Variants in CEP295NL observed in about 807,000 individuals in gnomAD.
CEP295NL encodes protein DDC8 homolog.
A neutral mutation model predicts 4.6 loss-of-function variants in CEP295NL; 3 were observed. The observed-to-expected ratio is 0.65, with a 90% CI of 0.30 to 1.69. The LOEUF is 1.69. CEP295NL is among the 40% of genes most tolerant of loss of function. The pLI is 0.10. For synonymous variants in CEP295NL, 295 were observed against 312.2 expected (o/e 0.94, Z 0.58); for missense variants, 719 against 769.0 (o/e 0.93, Z 0.77).
Position 78,892,397 on chromosome 17 carries a change from G to A in CEP295NL, c.107C>T (p.Ser36Phe), listed in dbSNP as rs1245989696. Reference sequence around the variant, plus strand: ...GGGAAGGTGCTTGGAGCCAAGAGTGGAGGGTTCAAGGGGCGCCCCCGGGCC... The same window carrying A: ...GGGAAGGTGCTTGGAGCCAAGAGTGAAGGGTTCAAGGGGCGCCCCCGGGCC... Reference protein sequence around the residue: ...SSGPGAPLEPSTLGSKHLPWE... With the variant: ...SSGPGAPLEPFTLGSKHLPWE... Residue 36 changes from serine to phenylalanine, a missense_variant, in exon 3 of 3, where the codon TCC (serine) becomes TTC (phenylalanine). Ser to Phe is a radical substitution (Grantham distance 155, BLOSUM62 -2). Coordinates refer to ENST00000322630, the MANE Select transcript of CEP295NL (RefSeq NM_001243540.2). 9 of 1,550,462 alleles carry A rather than the reference G, an allele frequency of 5.8e-6. No homozygotes were observed. In the East Asian group the frequency reaches 7.3e-5, roughly 13 times the overall value.
At position 78,902,133 on chromosome 17, in the gene CEP295NL, G is replaced by A. The variant is rs552160989; in HGVS notation, c.-98-207C>T. Among the ~76,000 whole-genome samples the A allele has an allele frequency of 3.9e-5, 6 of 152,324 alleles. No homozygotes were observed. In the East Asian group the frequency reaches 9.6e-4, roughly 24 times the overall value. ...TCCCAAGCCACTGCACTGGGTTTTG[G>A]TTTCACTATGTTGCCCAGGCTGGAG... is the stretch of plus-strand genomic sequence containing the variant. On this transcript the variant is annotated intron_variant, in intron 1 of 2. Transcript: ENST00000322630.
rs371442476 is a variant in CEP295NL at position 78,896,841 on chromosome 17, C to T, written c.45-4382G>A. The T allele has an allele frequency of 1.9e-5, 16 of 820,986 alleles. No individual in the cohort carries two copies. In the South Asian group the frequency reaches 7.7e-4, roughly 40 times the overall value. The allele number at this position is 820,986 out of a possible 1,614,324, so 50.9% of individuals were successfully genotyped here. ...GCTCTCTACAGCCCCGTGGCCCCAG[C>T]GCAGGAGCCAGCCCATGGCAGCTCC... is the stretch of plus-strand genomic sequence containing the variant. On this transcript the variant is annotated intron_variant, in intron 2 of 2. Coordinates refer to ENST00000322630, the MANE Select transcript of CEP295NL (RefSeq NM_001243540.2). This position sits in a 1 kb window ranked among gnomAD's most constrained non-coding sequence, Gnocchi z 4.4.
At chr17:78,895,409 A>G (rs183394341) in intron 2 of CEP295NL, among the ~76,000 whole-genome samples, 39 of 152,368 alleles carry the variant, frequency 2.6e-4, no homozygotes, top group African/African-American at 7.7e-4. Flanking sequence ...AGAAATGCAC[A>G]CTGACCCTGC....
chr17:78,891,847 C>T lies in CEP295NL; in HGVS notation c.657G>A (p.Pro219=), dbSNP rs769548889. 1.3e-5 allele frequency: 20 copies of T among 1,550,574 alleles called. 1 individual carries two copies. The highest frequency in any genetic ancestry group is 5.5e-5 in the African/African-American group (4 of 73,036). The change falls in exon 3 of 3, where the codon CCG becomes CCA. Residue 219 remains proline, a synonymous_variant. Transcript: ENST00000322630. The surrounding 1 kb of genome is among the most constrained non-coding windows in gnomAD (Gnocchi z 4.5). ...ATGRMNSHLA[P]PEKRKGRPEP... ...CTGGCCTTCCCTTTCTCTTCTCAGG[C>T]GGGGCCAGGTGAGAATTCATCCGAC...
In CEP295NL at chr17:78,901,867, T is replaced by C. The variant is rs2070098849; in HGVS notation, c.-39A>G. The C allele has an allele frequency of 1.4e-6, 1 of 699,064 alleles. No homozygotes were observed. The highest frequency in any genetic ancestry group is 1.8e-5 in the African/African-American group (1 of 56,756). 43.3% of individuals were successfully genotyped at this position (699,064 alleles called of 1,614,324 possible). ...AAGCTGACAGGAGGGCAGGAAGCAC[T>C]GTCTCCAGGGCTGTCTTGAAATCAC... is the stretch of plus-strand genomic sequence containing the variant. On this transcript the variant is annotated 5_prime_UTR_variant, in exon 2 of 3. Transcript: ENST00000322630.
In CEP295NL at chr17:78,896,696, C is replaced by A. The variant is rs567204702; in HGVS notation, c.45-4237G>T. On this transcript the variant is annotated intron_variant, in intron 2 of 2. Coordinates refer to ENST00000322630, the MANE Select transcript of CEP295NL (RefSeq NM_001243540.2). The surrounding 1 kb of genome is among the most constrained non-coding windows in gnomAD (Gnocchi z 4.4). Reference sequence around the variant, plus strand: ...CCACTCAGAGAAACCACAGCTCCCCCCTCCGCAGAAGCCGCGCTCGGAGCA... The same window carrying A: ...CCACTCAGAGAAACCACAGCTCCCCACTCCGCAGAAGCCGCGCTCGGAGCA... 1.4e-4 allele frequency among the ~76,000 whole-genome samples: 22 copies of A among 152,280 alleles called. No individual in the cohort carries two copies. The highest frequency in any genetic ancestry group is 2.9e-5 in the Non-Finnish European group (2 of 68,010).
rs2069892203 is a variant in CEP295NL, at chr17:78,891,434, T to G, written c.1070A>C (p.Lys357Thr). ...CAGTGCCAGGTACAAGCACAGGTGT[T>G]TTTTCAGCTTTCTGTTTATATTAAA... ...ELFNINRKLKKHLCLYLALKP... is the reference protein window; with the variant it reads ...ELFNINRKLKTHLCLYLALKP... The change falls in exon 3 of 3, where the codon AAA becomes ACA. Residue 357 changes from lysine (K) to threonine (T), a missense_variant. Coordinates refer to ENST00000322630, the MANE Select transcript of CEP295NL (RefSeq NM_001243540.2). This position sits in a 1 kb window ranked among gnomAD's most constrained non-coding sequence, Gnocchi z 4.5. 4 of 1,550,796 alleles carry G rather than the reference T, an allele frequency of 2.6e-6. No homozygotes were observed.
At chr17:78,894,487 T>A (rs1381845265) in intron 2 of CEP295NL, among the ~76,000 whole-genome samples, 1 of 152,132 alleles carries the variant, frequency 6.6e-6, no homozygotes, top group Non-Finnish European at 1.5e-5. Flanking sequence ...GAGAGAAAGC[T>A]GGGCCCTTCA....
rs1327438605 is a variant in CEP295NL, at chr17:78,903,199, C to T, written c.-164G>A. 6.6e-6 allele frequency: 1 copy of T among 152,378 alleles called. No individual in the cohort carries two copies. The highest frequency in any genetic ancestry group is 1.5e-5 in the Non-Finnish European group (1 of 68,144). 9.4% of individuals were successfully genotyped at this position (152,378 alleles called of 1,614,324 possible). On this transcript the variant is annotated 5_prime_UTR_variant, in exon 1 of 3. The change abolishes an upstream ATG in the 5' untranslated region. Coordinates refer to ENST00000322630, the MANE Select transcript of CEP295NL (RefSeq NM_001243540.2). The stretch of plus-strand genomic sequence containing the variant: ...CCGGCCTCTGCCCTGGCTGGCTACT[C>T]ATAGCAGGCTGTTGCCATGGGAACA...
intron 2 of CEP295NL, among the ~76,000 whole-genome samples, chr17:78,895,151 C>T (rs547678913): frequency 1.3e-5 from 2 of 152,086 alleles, no homozygotes; most frequent in Admixed American, 6.6e-5. Flanking sequence ...TGTGGTGGTA[C>T]GCACCTATAA....
At chr17:78,892,842 T>A (rs1352764369) in intron 2 of CEP295NL, among the ~76,000 whole-genome samples, 2 of 152,114 alleles carry the variant, frequency 1.3e-5, no homozygotes, top group Admixed American at 6.5e-5. Context: ...GTGAATAACC[T>A]GGCCAGAGAT....
Position 78,890,883 on chromosome 17 carries a change from C to G in CEP295NL, c.1621G>C (p.Glu541Gln). The G allele has an allele frequency of 2.6e-6, 4 of 1,550,674 alleles. No individual in the cohort carries two copies. The highest frequency in any genetic ancestry group is 3.5e-6 in the Non-Finnish European group (4 of 1,147,022). Residue 541 changes from glutamate to glutamine, a missense_variant, in exon 3 of 3, where the codon GAG becomes CAG. Transcript: ENST00000322630. ...CGAGCTCTTCTTTGCTCCCTCCTCT[C>G]TTTTTCTAGCTCAGCTTTGTAGTGG... is the stretch of plus-strand genomic sequence containing the variant. Reference protein sequence around the residue: ...EIHYKAELEKERREQRRARLA... With the variant: ...EIHYKAELEKQRREQRRARLA...
chr17:78,891,650 GC>G lies in CEP295NL; in HGVS notation c.853del (p.Ala285GlnfsTer8). The G allele has an allele frequency of 6.4e-7, 1 of 1,550,928 alleles. No homozygotes were observed. Among genetic ancestry groups the G allele is most frequent in the Non-Finnish European group, 8.7e-7 (1 of 1,147,092 alleles). ...GGTCAGGGCTGGAACAAAGCAAACT[GC>G]CCCCTTTCCCAGTTGCCTCCTCCCC... Reference protein sequence around the residue: ...RAGRRQLGKGAVCFVPALTSR... With the variant: ...RAGRRQLGKGXVCFVPALTSR... On this transcript the variant is annotated frameshift_variant, in exon 3 of 3. Coordinates refer to ENST00000322630, the MANE Select transcript of CEP295NL (RefSeq NM_001243540.2). LOFTEE classifies it low-confidence loss of function (END_TRUNC). This position sits in a 1 kb window ranked among gnomAD's most constrained non-coding sequence, Gnocchi z 4.5.
intron 2 of CEP295NL, among the ~76,000 whole-genome samples, chr17:78,893,647 C>A (rs1012650101): frequency 6.6e-6 from 1 of 151,766 alleles, no homozygotes; most frequent in Non-Finnish European, 1.5e-5. Flanking sequence ...GTGTATGTGT[C>A]CGTGTGGGGC....
Position 78,890,676 on chromosome 17 carries a change from C to T in CEP295NL, c.1828G>A (p.Ala610Thr). The change falls in exon 3 of 3, where the codon GCC becomes ACC. Residue 610 changes from alanine (A) to threonine (T), a missense_variant. Ala to Thr is a moderately conservative substitution (Grantham distance 58). Transcript: ENST00000322630. Reference protein sequence around the residue: ...NRLHKQFLEEARKCLREFQNI... With the variant: ...NRLHKQFLEETRKCLREFQNI... ...TGAAACTCCCGCAAGCATTTCCGGG[C>T]TTCTTCAAGAAACTGCTTGTGCAAC... 3 of 1,550,506 alleles carry T rather than the reference C, an allele frequency of 1.9e-6. No homozygotes were observed. Among genetic ancestry groups the T allele is most frequent in the Non-Finnish European group, 2.6e-6 (3 of 1,146,902 alleles).
At chr17:78,900,476 C>T (rs968904008) in intron 2 of CEP295NL, among the ~76,000 whole-genome samples, 7 of 150,488 alleles carry the variant, frequency 4.7e-5, no homozygotes, top group African/African-American at 1.2e-4. Flanking sequence ...ACCCAGGAGG[C>T]GGAGGTTGCA....
intron 2 of CEP295NL, among the ~76,000 whole-genome samples, chr17:78,895,922 T>C (rs2069991815): frequency 6.6e-6 from 1 of 152,248 alleles, no homozygotes; most frequent in African/African-American, 2.4e-5. Flanking sequence ...AAGTCTTCCC[T>C]GCTCTGGAAG....
chr17:78,901,482 G>C (rs190392264), intron 2 of CEP295NL, among the ~76,000 whole-genome samples: 1 of 152,110 alleles, frequency 6.6e-6, no homozygotes, highest in African/African-American at 2.4e-5. Flanking sequence ...CCGCAGGCTT[G>C]GAGTCCAGGA....
At chr17:78,894,221 T>G (rs2069963429) in intron 2 of CEP295NL, among the ~76,000 whole-genome samples, 2 of 151,974 alleles carry the variant, frequency 1.3e-5, no homozygotes, top group Non-Finnish European at 2.9e-5. Flanking sequence ...ACAGGGAAAC[T>G]GAGGCAGGCA....
Sources: gnomAD v4.1 joint callset for allele counts (sites outside exome capture counted in the v4.1 genomes callset) on GRCh38, gnomAD v4.1.1 for gene constraint, Gnocchi (gnomAD v3.1) non-coding constraint, MANE v1.5 for transcripts, NCBI Gene and HGNC (gene_info 2026-07-23, HGNC 2026-07-21) for gene names.